The following ZMAT4 variants were observed in gnomAD, a reference collection of about 807,000 sequenced individuals.
ZMAT4 encodes zinc finger matrin-type protein 4.
ZMAT4 carries 17 observed loss-of-function variants against 28.7 expected under a neutral mutation model. The observed-to-expected ratio is 0.59, with a 90% CI of 0.41 to 0.89. The LOEUF (loss-of-function observed/expected upper bound fraction) is 0.89, where lower values mean the gene tolerates loss of function less well. ZMAT4 is among the 40% of genes least tolerant of loss of function. The pLI is 0.00. For synonymous variants in ZMAT4, 117 were observed against 109.2 expected, an observed-to-expected ratio of 1.07 and a Z score of -0.44; for missense variants, 240 against 283.8, an observed-to-expected ratio of 0.85 and a Z score of 1.11.
chr8:40,655,877 G>T (rs1320489758), intron 5 of ZMAT4, among the ~76,000 whole-genome samples: 1 of 152,062 alleles, frequency 6.6e-6, no homozygotes, highest in East Asian at 1.9e-4. Context: ...GTAAATCTTT[G>T]TGACAATTAG....
intron 2 of ZMAT4, among the ~76,000 whole-genome samples, chr8:40,804,634 G>A (rs1028134811): frequency 2.0e-5 from 3 of 152,100 alleles, no homozygotes; most frequent in African/African-American, 7.2e-5. Context: ...TGAGTCGGGA[G>A]TTTGAGACCA....
chr8:40,881,599 A>AAAGAAGGAAAGAAAGAAAG (rs750851490), intron 1 of ZMAT4, among the ~76,000 whole-genome samples: 2 of 78,260 alleles, frequency 2.6e-5, no homozygotes, highest in South Asian at 4.3e-4. Context: ...AGAAAGAAAG[A>AAAGAAGGAAAGAAAGAAAG]AAAGAAAAGA....
intron 3 of ZMAT4, among the ~76,000 whole-genome samples, chr8:40,763,253 G>A (rs1031827361): frequency 3.3e-5 from 5 of 152,154 alleles, no homozygotes; most frequent in African/African-American, 9.7e-5. Context: ...GCTCGTTATC[G>A]TCTTACGATG....
intron 3 of ZMAT4, among the ~76,000 whole-genome samples, chr8:40,741,738 A>G (rs1432112089): frequency 1.3e-5 from 2 of 152,222 alleles, no homozygotes; most frequent in Non-Finnish European, 2.9e-5. Flanking sequence ...AATTGTGGCA[A>G]TGACAAGTGT....
At chr8:40,833,408 A>G (rs1369986547) in intron 1 of ZMAT4, among the ~76,000 whole-genome samples, 1 of 151,944 alleles carries the variant, frequency 6.6e-6, no homozygotes, top group East Asian at 1.9e-4. Flanking sequence ...TCTCTATTAA[A>G]AATACAAAAA....
intron 5 of ZMAT4, among the ~76,000 whole-genome samples, chr8:40,590,403 A>G (rs1804849781): frequency 6.6e-6 from 1 of 151,678 alleles, no homozygotes; most frequent in African/African-American, 2.4e-5. Flanking sequence ...CCCTAGCATA[A>G]GTGTATTCTC....
At chr8:40,793,861 T>C (rs1814468501) in intron 2 of ZMAT4, among the ~76,000 whole-genome samples, 1 of 152,178 alleles carries the variant, frequency 6.6e-6, no homozygotes, top group Non-Finnish European at 1.5e-5. Flanking sequence ...TCGCCCCTCC[T>C]TGGGATCTCT....
chr8:40,748,003 T>G (rs904124632), intron 3 of ZMAT4, among the ~76,000 whole-genome samples: 9 of 152,238 alleles, frequency 5.9e-5, no homozygotes, highest in African/African-American at 1.9e-4. Context: ...ACTCAGTGCT[T>G]ATAGACAAAG....
chr8:40,896,432 C>A (rs1253745543), intron 1 of ZMAT4, among the ~76,000 whole-genome samples: 12 of 152,198 alleles, frequency 7.9e-5, no homozygotes, highest in African/African-American at 2.7e-4. Flanking sequence ...AGACTATCAG[C>A]TTCAGAGTAT....
intron 6 of ZMAT4, among the ~76,000 whole-genome samples, chr8:40,539,078 C>A (rs1802943239): frequency 6.6e-6 from 1 of 152,202 alleles, no homozygotes; most frequent in Admixed American, 6.5e-5. Flanking sequence ...GCCACCACAA[C>A]CGGCCTTTTA....
At chr8:40,569,285 C>T (rs1470902581) in intron 6 of ZMAT4, among the ~76,000 whole-genome samples, 1 of 152,196 alleles carries the variant, frequency 6.6e-6, no homozygotes, top group African/African-American at 2.4e-5. Context: ...AATAAAGTGA[C>T]ATTTCTCATT....
intron 4 of ZMAT4, among the ~76,000 whole-genome samples, chr8:40,680,700 G>GCACACACACACAAACA (rs111761901): frequency 6.7e-6 from 1 of 149,094 alleles, no homozygotes; most frequent in African/African-American, 2.5e-5. Flanking sequence ...CATGTCTAAT[G>GCACACACACACAAACA]TACACACACA....
Position 40,851,474 on chromosome 8 carries a change from A to G in ZMAT4, c.-4-25794T>C, listed in dbSNP as rs571474622. Among the ~76,000 whole-genome samples the G allele has an allele frequency of 2.0e-5, 3 of 152,378 alleles. No homozygotes were observed. The East Asian group carries it at 5.8e-4, about 29-fold the overall frequency. On this transcript the variant is annotated intron_variant, in intron 1 of 6. Transcript: ENST00000297737. ...TCTACTGTCTAGTTAATAGTTGTGT[A>G]CTAATGTTAATTTCCTAGTTTTCAC...
intron 3 of ZMAT4, among the ~76,000 whole-genome samples, chr8:40,743,416 G>A (rs957608953): frequency 1.3e-5 from 2 of 152,196 alleles, no homozygotes; most frequent in African/African-American, 2.4e-5. Context: ...TCCTGCCTGA[G>A]TTGTCCACCA....
intron 5 of ZMAT4, among the ~76,000 whole-genome samples, chr8:40,647,506 C>A (rs1348739584): frequency 6.6e-6 from 1 of 152,144 alleles, no homozygotes; most frequent in Non-Finnish European, 1.5e-5. Flanking sequence ...GGGAGGGGCG[C>A]CCACCATTGC....
intron 3 of ZMAT4, among the ~76,000 whole-genome samples, chr8:40,765,198 C>A (rs959031278): frequency 6.6e-6 from 1 of 152,122 alleles, no homozygotes; most frequent in African/African-American, 2.4e-5. Context: ...AATAAGACAC[C>A]ATTTCTTATT....
chr8:40,829,908 G>A (rs1012991620), intron 1 of ZMAT4, among the ~76,000 whole-genome samples: 12 of 152,192 alleles, frequency 7.9e-5, no homozygotes, highest in Admixed American at 2.0e-4. Flanking sequence ...AGGGGCATAG[G>A]TGGGGTTAAT....
chr8:40,808,892 G>A lies in ZMAT4; in HGVS notation c.102+16683C>T, dbSNP rs574918732. Among the ~76,000 whole-genome samples the A allele has an allele frequency of 4.0e-5, 6 of 151,050 alleles. No individual in the cohort carries two copies. In the South Asian group the frequency reaches 1.3e-3, roughly 32 times the overall value. ...TATTCCCGAACTCTTTCTATGTTGA[G>A]ACACAGAAAGGATAAAAAGTAATTA... On this transcript the variant is annotated intron_variant, in intron 2 of 6. Coordinates refer to ENST00000297737, the MANE Select transcript of ZMAT4 (RefSeq NM_024645.3).
At chr8:40,645,333 C>G (rs1258230094) in intron 5 of ZMAT4, among the ~76,000 whole-genome samples, 4 of 151,968 alleles carry the variant, frequency 2.6e-5, no homozygotes, top group Non-Finnish European at 5.9e-5. Flanking sequence ...AAGAACCTAA[C>G]TTTACTAAGC....
Sources: allele counts gnomAD v4.1 joint callset (sites outside exome capture counted in the v4.1 genomes callset), GRCh38; gene constraint gnomAD v4.1.1; transcripts MANE v1.5; gene names NCBI Gene and HGNC (gene_info 2026-07-23, HGNC 2026-07-21).